FAM219A: variants seen among roughly 807,000 people sequenced by gnomAD.
FAM219A encodes family with sequence similarity 219 member A.
In FAM219A, 7 loss-of-function variants were observed where a neutral mutation model predicts 23.4. The ratio of observed to expected loss-of-function variants is 0.30; its 90% CI spans 0.17 to 0.56. FAM219A has a LOEUF of 0.56. Ranked by LOEUF, FAM219A falls within the 20% of genes least tolerant of loss-of-function variation. The pLI, the probability that FAM219A is intolerant of heterozygous loss-of-function variation, is 0.92. For synonymous variants in FAM219A, 93 were observed against 99.0 expected (o/e 0.94, Z 0.36); for missense variants, 166 against 246.9 (o/e 0.67, Z 2.20).
intron 1 of FAM219A, among the ~76,000 whole-genome samples, chr9:34,453,335 T>A (rs1400171208): frequency 6.6e-6 from 1 of 152,102 alleles, no homozygotes; most frequent in African/African-American, 2.4e-5. Flanking sequence ...GTCCTGACCA[T>A]CCCCATCCAT....
At chr9:34,438,680 C>T (rs774614402) in intron 1 of FAM219A, among the ~76,000 whole-genome samples, 3 of 151,992 alleles carry the variant, frequency 2.0e-5, no homozygotes, top group Non-Finnish European at 2.9e-5. Context: ...ATCAACACTG[C>T]GTATCTAGCT....
At chr9:34,406,485 G>GTGA (rs1821640236) in intron 1 of FAM219A, 1 of 985,268 alleles carries the variant, frequency 1.0e-6, no homozygotes, top group Admixed American at 6.2e-5. Context: ...AGCCTTCAAG[G>GTGA]CTACAGCCAC....
At chr9:34,423,148 C>T (rs1822340882) in intron 1 of FAM219A, among the ~76,000 whole-genome samples, 1 of 152,088 alleles carries the variant, frequency 6.6e-6, no homozygotes, top group Non-Finnish European at 1.5e-5. Flanking sequence ...AGTGAGACCC[C>T]TTCTTCTAAA....
At chr9:34,446,579 T>C (rs1295306988) in intron 1 of FAM219A, among the ~76,000 whole-genome samples, 1 of 152,258 alleles carries the variant, frequency 6.6e-6, no homozygotes, top group African/African-American at 2.4e-5. Context: ...TAAGAACTGA[T>C]ACCATAGAGA....
At chr9:34,445,954 C>G (rs1214595849) in intron 1 of FAM219A, among the ~76,000 whole-genome samples, 2 of 152,146 alleles carry the variant, frequency 1.3e-5, no homozygotes, top group African/African-American at 4.8e-5. Context: ...GCAAGAAGAT[C>G]ACTTGAAGTC....
rs1198320565 is a variant in FAM219A at position 34,417,856 on chromosome 9, G to T, written c.61-11892C>A. Reference sequence around the variant, plus strand: ...CTCCTGACTTGAGGCCACCAATTAAGAACAAAAGGAGGGAAGACTCTTACA... The same window carrying T: ...CTCCTGACTTGAGGCCACCAATTAATAACAAAAGGAGGGAAGACTCTTACA... On this transcript the variant is annotated intron_variant, in intron 1 of 5. Coordinates refer to ENST00000651358, the MANE Select transcript of FAM219A (RefSeq NM_001184940.2). This position sits in a 1 kb window ranked among gnomAD's most constrained non-coding sequence, Gnocchi z 4.1. 6.6e-6 allele frequency among the ~76,000 whole-genome samples: 1 copy of T among 152,140 alleles called. No individual in the cohort carries two copies. The highest frequency in any genetic ancestry group is 2.4e-5 in the African/African-American group (1 of 41,416).
At position 34,457,716 on chromosome 9, in the gene FAM219A, T is replaced by C. The variant is rs902956421; in HGVS notation, c.60+488A>G. ...TGGGTCCCTCGCCCCGGCCCAGCGT[T>C]CCTGTCCGTATATCCAGCGGACAGG... On this transcript the variant is annotated intron_variant, in intron 1 of 5. Transcript: ENST00000651358. The surrounding 1 kb of genome is among the most constrained non-coding windows in gnomAD (Gnocchi z 5.1). 1.8e-4 allele frequency among the ~76,000 whole-genome samples: 28 copies of C among 152,106 alleles called. No homozygotes were observed. The highest frequency in any genetic ancestry group is 6.5e-4 in the African/African-American group (27 of 41,418).
intron 1 of FAM219A, among the ~76,000 whole-genome samples, chr9:34,414,924 T>C (rs1216889311): frequency 1.3e-5 from 2 of 152,188 alleles, no homozygotes; most frequent in South Asian, 4.1e-4. Flanking sequence ...CTTTTCTCTT[T>C]CTTTTCTTTG....
At chr9:34,411,943 C>T (rs1821839575) in intron 1 of FAM219A, among the ~76,000 whole-genome samples, 1 of 152,124 alleles carries the variant, frequency 6.6e-6, no homozygotes, top group Non-Finnish European at 1.5e-5. Context: ...GAATAGTCGG[C>T]ATTTTGCTAT....
At chr9:34,452,971 A>G (rs1026047549) in intron 1 of FAM219A, among the ~76,000 whole-genome samples, 1 of 152,178 alleles carries the variant, frequency 6.6e-6, no homozygotes, top group African/African-American at 2.4e-5. Context: ...TTGAGCCCAG[A>G]ACAACATCTA....
chr9:34,458,173 G>A lies in FAM219A; in HGVS notation c.60+31C>T, dbSNP rs1416337313. 1.6e-5 allele frequency: 25 copies of A among 1,568,864 alleles called. No individual in the cohort carries two copies. Among genetic ancestry groups the A allele is most frequent in the East Asian group, 2.4e-5 (1 of 41,868 alleles). On this transcript the variant is annotated intron_variant, in intron 1 of 5. Coordinates refer to ENST00000651358, the MANE Select transcript of FAM219A (RefSeq NM_001184940.2). This position sits in a 1 kb window ranked among gnomAD's most constrained non-coding sequence, Gnocchi z 6.6. ...TCCCCCTCAAGCGACGCCCCCTCCGGCCTTGGCCTGCCCGCCGCCCGCCCC... is the reference window on the plus strand; with the variant it reads ...TCCCCCTCAAGCGACGCCCCCTCCGACCTTGGCCTGCCCGCCGCCCGCCCC...
chr9:34,458,343 G>A lies in FAM219A; in HGVS notation c.-80C>T. 4 of 1,103,874 alleles carry A rather than the reference G, an allele frequency of 3.6e-6. No homozygotes were observed. The highest frequency in any genetic ancestry group is 3.4e-6 in the Non-Finnish European group (3 of 883,400). The allele number at this position is 1,103,874 out of a possible 1,614,324, so 68.4% of individuals were successfully genotyped here. On this transcript the variant is annotated 5_prime_UTR_variant, in exon 1 of 6. Transcript: ENST00000651358. This position sits in a 1 kb window ranked among gnomAD's most constrained non-coding sequence, Gnocchi z 6.6. ...ACCGCGCGGGGCGGCGGCCCCAGGA[G>A]CCCGGCGGGTGGTGCAGACTAGGCC...
At chr9:34,419,686 G>C (rs1490049662) in intron 1 of FAM219A, among the ~76,000 whole-genome samples, 1 of 152,146 alleles carries the variant, frequency 6.6e-6, no homozygotes, top group Non-Finnish European at 1.5e-5. Context: ...CTGAATCTTG[G>C]CCCCAAATCT....
At chr9:34,416,773 T>G (rs1166109906) in intron 1 of FAM219A, among the ~76,000 whole-genome samples, 1 of 150,112 alleles carries the variant, frequency 6.7e-6, no homozygotes, top group African/African-American at 2.4e-5. Flanking sequence ...ATTTCTGTAT[T>G]TTTAAAATTA....
intron 1 of FAM219A, among the ~76,000 whole-genome samples, chr9:34,425,239 G>T (rs1184225339): frequency 6.6e-6 from 1 of 152,016 alleles, no homozygotes; most frequent in Non-Finnish European, 1.5e-5. Context: ...CAGCACTTTG[G>T]GGGGCCAAGG....
In FAM219A at chr9:34,458,087, G is replaced by T. The variant is rs1013032603; in HGVS notation, c.60+117C>A. On this transcript the variant is annotated intron_variant, in intron 1 of 5. Transcript: ENST00000651358. This position sits in a 1 kb window ranked among gnomAD's most constrained non-coding sequence, Gnocchi z 6.6. The stretch of plus-strand genomic sequence containing the variant: ...CGTCCCCCGGCAATACGTTTTCAGG[G>T]ATCTCTTTGCCCCATCCGATGGCGC... 1.1e-6 allele frequency: 1 copy of T among 924,026 alleles called. No homozygotes were observed. The highest frequency in any genetic ancestry group is 1.5e-6 in the Non-Finnish European group (1 of 669,084). 57.2% of individuals were successfully genotyped at this position (924,026 alleles called of 1,614,324 possible).
chr9:34,413,124 T>C (rs1821882978), intron 1 of FAM219A, among the ~76,000 whole-genome samples: 1 of 150,022 alleles, frequency 6.7e-6, no homozygotes, highest in East Asian at 2.0e-4. Flanking sequence ...CTTTGGACCA[T>C]GGGAGGGAGT....
chr9:34,404,169 T>G (rs1031003057), intron 2 of FAM219A, among the ~76,000 whole-genome samples: 2 of 152,202 alleles, frequency 1.3e-5, no homozygotes, highest in Non-Finnish European at 2.9e-5. Context: ...AACTAAAGAC[T>G]ACTATACAAC....
At chr9:34,414,149 G>T (rs1384684538) in intron 1 of FAM219A, among the ~76,000 whole-genome samples, 1 of 152,238 alleles carries the variant, frequency 6.6e-6, no homozygotes, top group Non-Finnish European at 1.5e-5. Context: ...CTATGCATTA[G>T]TTAGATGGCT....
Sources: allele counts gnomAD v4.1 joint callset (sites outside exome capture counted in the v4.1 genomes callset), GRCh38; gene constraint gnomAD v4.1.1; non-coding constraint Gnocchi (gnomAD v3.1); transcripts MANE v1.5; gene names NCBI Gene and HGNC (gene_info 2026-07-23, HGNC 2026-07-21).